The following ACOXL variants were observed in gnomAD, a reference collection of about 807,000 sequenced individuals.
ACOXL encodes the protein acyl-CoA oxidase like.
ACOXL carries 70 observed loss-of-function variants against 71.9 expected under a neutral mutation model. That is an observed-to-expected ratio of 0.97 (90% CI 0.80 to 1.19). The LOEUF (loss-of-function observed/expected upper bound fraction) is 1.19, where lower values mean the gene tolerates loss of function less well. ACOXL is among the 50% of genes most tolerant of loss of function. The pLI is 0.00. For synonymous variants in ACOXL, 253 were observed against 281.6 expected, an observed-to-expected ratio of 0.90 and a Z score of 1.02; for missense variants, 703 against 736.3, an observed-to-expected ratio of 0.95 and a Z score of 0.52.
At chr2:110,826,651 A>C (rs753474729) in intron 9 of ACOXL, among the ~76,000 whole-genome samples, 4 of 152,072 alleles carry the variant, frequency 2.6e-5, no homozygotes, top group Non-Finnish European at 4.4e-5. Flanking sequence ...ATAGCAATGC[A>C]ATGGCCATAT....
intron 14 of ACOXL, among the ~76,000 whole-genome samples, chr2:111,011,714 C>T (rs13035209): frequency 0.077 from 11,715 of 151,876 alleles, 654 homozygotes; most frequent in South Asian, 0.16. Flanking sequence ...AAAACCCTGT[C>T]TCTACTAAAA....
chr2:110,846,926 T>C (rs1333071674), intron 10 of ACOXL, among the ~76,000 whole-genome samples: 2 of 152,212 alleles, frequency 1.3e-5, no homozygotes, highest in Non-Finnish European at 2.9e-5. Context: ...CATGACTGCC[T>C]GCGCGCTTAA....
In ACOXL at chr2:110,883,135, G is replaced by A. The variant is rs1338573819; in HGVS notation, c.789-25654G>A. 7.2e-5 allele frequency among the ~76,000 whole-genome samples: 9 copies of A among 124,300 alleles called. 1 individual carries two copies. 81.5% of individuals were successfully genotyped at this position (124,300 alleles called of 152,430 possible). A position where few individuals can be genotyped will look rare whatever the true frequency, so the allele number is the denominator to read the frequency against. ...TTTTTTTTTTTTTTTTTTTTGAGAC[G>A]ATCTCACTCTGTTGCCCAGGCTGGA... On this transcript the variant is annotated intron_variant, in intron 10 of 17. Coordinates refer to ENST00000439055, the MANE Select transcript of ACOXL (RefSeq NM_001142807.4).
intron 14 of ACOXL, among the ~76,000 whole-genome samples, chr2:111,012,232 G>A (rs887738397): frequency 1.3e-5 from 2 of 152,154 alleles, no homozygotes; most frequent in African/African-American, 2.4e-5. Flanking sequence ...AACAGCATAT[G>A]CTCACTTCAT....
At chr2:110,872,036 T>A (rs1029323107) in intron 10 of ACOXL, among the ~76,000 whole-genome samples, 1 of 152,208 alleles carries the variant, frequency 6.6e-6, no homozygotes, top group Non-Finnish European at 1.5e-5. Flanking sequence ...ATGTTGTCAT[T>A]AGGGGTTGTT....
At chr2:111,096,285 G>C (rs750826988) in intron 17 of ACOXL, among the ~76,000 whole-genome samples, 1 of 151,452 alleles carries the variant, frequency 6.6e-6, no homozygotes, top group Non-Finnish European at 1.5e-5. Context: ...AGCCCAGGCT[G>C]GAGTGCAGTG....
Position 110,805,415 on chromosome 2 carries a change from A to C in ACOXL, c.753+20A>C, listed in dbSNP as rs773459124. 6 of 1,614,090 alleles carry C rather than the reference A, an allele frequency of 3.7e-6. No homozygotes were observed. Among genetic ancestry groups the C allele is most frequent in the Non-Finnish European group, 4.2e-6 (5 of 1,179,986 alleles). ...ATGAAGGTAATTGACTCTGATTTTAACTTAATTATCTACTGTGAATTCTCT... is the reference window on the plus strand; with the variant it reads ...ATGAAGGTAATTGACTCTGATTTTACCTTAATTATCTACTGTGAATTCTCT... On this transcript the variant is annotated intron_variant, in intron 9 of 17. Coordinates refer to ENST00000439055, the MANE Select transcript of ACOXL (RefSeq NM_001142807.4).
chr2:110,932,246 C>T (rs1020682665), intron 11 of ACOXL, among the ~76,000 whole-genome samples: 1 of 152,046 alleles, frequency 6.6e-6, no homozygotes, highest in African/African-American at 2.4e-5. Flanking sequence ...CAGTGGTTGC[C>T]TTGGGGTGGG....
chr2:110,956,827 GC>G (rs1427157501), intron 12 of ACOXL, among the ~76,000 whole-genome samples: 4 of 152,278 alleles, frequency 2.6e-5, no homozygotes, highest in African/African-American at 9.6e-5. Context: ...TATTAAACTT[GC>G]CATATACAAA....
At chr2:110,789,227 C>A (rs1253170463) in intron 3 of ACOXL, among the ~76,000 whole-genome samples, 1 of 152,096 alleles carries the variant, frequency 6.6e-6, no homozygotes, top group Non-Finnish European at 1.5e-5. Context: ...GCTTTGAATC[C>A]CCACTCTAGC....
chr2:110,742,906 C>T (rs1321616111), intron 1 of ACOXL, among the ~76,000 whole-genome samples: 1 of 152,168 alleles, frequency 6.6e-6, no homozygotes, highest in Non-Finnish European at 1.5e-5. Context: ...TTGCATCAAA[C>T]TAGAAGAGGG....
intron 10 of ACOXL, among the ~76,000 whole-genome samples, chr2:110,842,264 G>A (rs1239365048): frequency 6.6e-6 from 1 of 152,208 alleles, no homozygotes; most frequent in Non-Finnish European, 1.5e-5. Context: ...AGCAGGAAGA[G>A]GGCAGGAGAG....
chr2:111,013,369 C>A, intron 14 of ACOXL, among the ~76,000 whole-genome samples: 1 of 151,640 alleles, frequency 6.6e-6, no homozygotes, highest in Non-Finnish European at 1.5e-5. Flanking sequence ...ACTAAAAATA[C>A]AAAAATTAGC....
At chr2:110,881,652 G>A (rs117048701) in intron 10 of ACOXL, among the ~76,000 whole-genome samples, 2,828 of 152,030 alleles carry the variant, frequency 0.019, 50 homozygotes, top group South Asian at 0.07. Flanking sequence ...CTCTCCCATC[G>A]CCAGGTAACC....
intron 12 of ACOXL, among the ~76,000 whole-genome samples, chr2:110,941,863 A>T (rs2060881123): frequency 6.6e-6 from 1 of 152,238 alleles, no homozygotes; most frequent in South Asian, 2.1e-4. Flanking sequence ...ATAGAAATAT[A>T]GATTTATACA....
intron 10 of ACOXL, among the ~76,000 whole-genome samples, chr2:110,854,487 G>A (rs55703950): frequency 6.6e-6 from 1 of 151,798 alleles, no homozygotes; most frequent in South Asian, 2.1e-4. Context: ...CTAGGGCTCA[G>A]AGCCTTGATT....
intron 10 of ACOXL, among the ~76,000 whole-genome samples, chr2:110,869,600 A>C (rs993556293): frequency 1.3e-5 from 2 of 152,142 alleles, no homozygotes; most frequent in Non-Finnish European, 2.9e-5. Flanking sequence ...CTCTGAGTGC[A>C]TCTGTGTCAT....
intron 17 of ACOXL, among the ~76,000 whole-genome samples, chr2:111,095,106 G>T (rs2150029306): frequency 6.6e-6 from 1 of 152,070 alleles, no homozygotes; most frequent in East Asian, 1.9e-4. Flanking sequence ...ACCGCTTGAT[G>T]TGAGGAGTAG....
chr2:110,760,785 CT>C (rs1244940173), intron 1 of ACOXL, among the ~76,000 whole-genome samples: 4 of 151,852 alleles, frequency 2.6e-5, no homozygotes, highest in Middle Eastern at 3.4e-3. Context: ...GGATATGATA[CT>C]TTTTTTTTCA....
Sources: allele counts gnomAD v4.1 joint callset (sites outside exome capture counted in the v4.1 genomes callset), GRCh38; gene constraint gnomAD v4.1.1; transcripts MANE v1.5; gene names NCBI Gene and HGNC (gene_info 2026-07-23, HGNC 2026-07-21).